Variants in SERPINI1 observed in about 807,000 individuals in gnomAD.
SERPINI1 encodes serpin family I member 1.
SERPINI1 carries 19 observed loss-of-function variants against 41.1 expected under a neutral mutation model. The ratio of observed to expected loss-of-function variants is 0.46; its 90% CI spans 0.32 to 0.68. The LOEUF (loss-of-function observed/expected upper bound fraction) is 0.68. Among genes scored for constraint, SERPINI1 ranks in the 30% least tolerant of loss-of-function variants. SERPINI1 has a pLI of 0.03. For missense variants in SERPINI1, 460 were observed against 479.2 expected, an observed-to-expected ratio of 0.96 and a Z score of 0.37; for synonymous variants, 138 against 156.6, an observed-to-expected ratio of 0.88 and a Z score of 0.89.
chr3:167,765,239 C>T (rs955822593), intron 1 of SERPINI1, among the ~76,000 whole-genome samples: 1 of 152,244 alleles, frequency 6.6e-6, no homozygotes, highest in Non-Finnish European at 1.5e-5. Flanking sequence ...GAGAGTCCCA[C>T]CCCTGCAGCA....
chr3:167,824,575 T>G lies in SERPINI1; in HGVS notation c.1156+13T>G. 8 of 1,579,754 alleles carry G rather than the reference T, an allele frequency of 5.1e-6. No individual in the cohort carries two copies. The highest frequency in any genetic ancestry group is 7.0e-6 in the Non-Finnish European group (8 of 1,149,634). On this transcript the variant is annotated intron_variant, in intron 8 of 8. Transcript: ENST00000446050. ...AACAGGAGAACTGGTAAGTTTATTA[T>G]GAAAACAAAATTTTATTTAATAGGT...
chr3:167,759,977 G>A (rs1020337303), intron 1 of SERPINI1, among the ~76,000 whole-genome samples: 12 of 152,136 alleles, frequency 7.9e-5, no homozygotes, highest in African/African-American at 2.2e-4. Context: ...ATGTATGTAC[G>A]TATGTATATA....
chr3:167,825,123 G>C, intron 8 of SERPINI1, 124 bp from the exon 9 acceptor site: 1 of 667,178 alleles, frequency 1.5e-6, no homozygotes, highest in Admixed American at 2.0e-5. Context: ...AAGGACAGGA[G>C]GAAGGAAGGA....
At chr3:167,788,506 G>A (rs1251146841) in intron 1 of SERPINI1, among the ~76,000 whole-genome samples, 1 of 152,086 alleles carries the variant, frequency 6.6e-6, no homozygotes, top group East Asian at 1.9e-4. Context: ...TGGGAGAGCA[G>A]CAACCTCCTA....
At chr3:167,775,209 T>A (rs1726924222) in intron 1 of SERPINI1, among the ~76,000 whole-genome samples, 1 of 148,486 alleles carries the variant, frequency 6.7e-6, no homozygotes, top group Non-Finnish European at 1.5e-5. Context: ...CCCTTCAGGG[T>A]ACAACGAAGT....
chr3:167,783,930 A>G (rs1005882007), intron 1 of SERPINI1, among the ~76,000 whole-genome samples: 1 of 152,166 alleles, frequency 6.6e-6, no homozygotes, highest in African/African-American at 2.4e-5. Context: ...TGCTCCCACA[A>G]TTCACAGCCA....
chr3:167,796,734 C>CT (rs1553775144), intron 5 of SERPINI1, among the ~76,000 whole-genome samples: 17 of 135,636 alleles, frequency 1.3e-4, no homozygotes, highest in Non-Finnish European at 2.8e-4. Context: ...ATATGTACAA[C>CT]ATTTTTTTTT....
At position 167,792,388 on chromosome 3, in the gene SERPINI1, CAT is replaced by C. The variant is rs762830478; in HGVS notation, c.482-191_482-190del. ...ACACATATATATATATACACACACA[CAT>C]ATATATATATGTAGTGTGTGTGTAT... On this transcript the variant is annotated intron_variant, in intron 3 of 8. Coordinates refer to ENST00000446050, the MANE Select transcript of SERPINI1 (RefSeq NM_001122752.2). Among the ~76,000 whole-genome samples the C allele has an allele frequency of 0.036, 5,403 of 148,376 alleles. 125 individuals carry two copies. Among genetic ancestry groups the C allele is most frequent in the African/African-American group, 0.043 (1,687 of 39,574 alleles).
chr3:167,821,348 G>A (rs1424369666), intron 6 of SERPINI1, among the ~76,000 whole-genome samples: 1 of 152,196 alleles, frequency 6.6e-6, no homozygotes, highest in African/African-American at 2.4e-5. Flanking sequence ...TGTGACACCC[G>A]CTTTGAAGCT....
chr3:167,774,777 T>TCA (rs35357448), intron 1 of SERPINI1, among the ~76,000 whole-genome samples: 42,909 of 151,830 alleles, frequency 0.28, 6,355 homozygotes, highest in Non-Finnish European at 0.31. Flanking sequence ...AACCATCCCC[T>TCA]CACCCCTGTC....
chr3:167,806,999 T>C (rs560401353), intron 5 of SERPINI1, among the ~76,000 whole-genome samples: 47 of 152,304 alleles, frequency 3.1e-4, no homozygotes, highest in African/African-American at 1.1e-3. Context: ...CCATATATTA[T>C]GGTTTTGTGT....
At chr3:167,793,837 T>TGTG (rs1727620513) in intron 4 of SERPINI1, among the ~76,000 whole-genome samples, 1 of 123,456 alleles carries the variant, frequency 8.1e-6, no homozygotes. Context: ...TGGCCATATG[T>TGTG]ATGTGTGTGT....
chr3:167,805,940 A>G (rs1394478039), intron 5 of SERPINI1, among the ~76,000 whole-genome samples: 3 of 152,106 alleles, frequency 2.0e-5, no homozygotes, highest in Non-Finnish European at 4.4e-5. Context: ...TAAAACCAGA[A>G]ATACCATTTG....
intron 1 of SERPINI1, among the ~76,000 whole-genome samples, chr3:167,759,258 A>G (rs1056349529): frequency 6.6e-6 from 1 of 152,082 alleles, no homozygotes; most frequent in Non-Finnish European, 1.5e-5. Context: ...ATCTGACTAC[A>G]GATTTTTTTT....
intron 1 of SERPINI1, among the ~76,000 whole-genome samples, chr3:167,747,504 C>T (rs1184158361): frequency 1.3e-5 from 2 of 152,050 alleles, no homozygotes; most frequent in African/African-American, 4.8e-5. Context: ...ATTAGCTGGG[C>T]GTGGCAGCGG....
chr3:167,770,146 A>C (rs1233677226), intron 1 of SERPINI1, among the ~76,000 whole-genome samples: 1 of 151,758 alleles, frequency 6.6e-6, no homozygotes, highest in East Asian at 1.9e-4. Flanking sequence ...ATGTGCCTAT[A>C]TGGAAAAGAT....
At chr3:167,763,996 G>A (rs1162798212) in intron 1 of SERPINI1, among the ~76,000 whole-genome samples, 1 of 144,822 alleles carries the variant, frequency 6.9e-6, no homozygotes, top group Non-Finnish European at 1.5e-5. Flanking sequence ...ACACACTATT[G>A]AATTATACTA....
intron 1 of SERPINI1, among the ~76,000 whole-genome samples, chr3:167,772,656 A>G (rs1726798146): frequency 6.6e-6 from 1 of 151,586 alleles, no homozygotes; most frequent in Non-Finnish European, 1.5e-5. Context: ...TCATTTATGG[A>G]CATGTCTTAT....
At chr3:167,765,856 T>C (rs1559999904) in intron 1 of SERPINI1, among the ~76,000 whole-genome samples, 1 of 152,186 alleles carries the variant, frequency 6.6e-6, no homozygotes, top group Non-Finnish European at 1.5e-5. Context: ...CACAGATCTC[T>C]AGGGCAGGGG....
Sources: allele counts gnomAD v4.1 joint callset (sites outside exome capture counted in the v4.1 genomes callset), GRCh38; gene constraint gnomAD v4.1.1; transcripts MANE v1.5; gene names NCBI Gene and HGNC (gene_info 2026-07-23, HGNC 2026-07-21).